GPAM: variants seen among roughly 807,000 people sequenced by gnomAD.
The protein encoded by GPAM is glycerol-3-phosphate acyltransferase, mitochondrial.
A neutral mutation model predicts 105.0 loss-of-function variants in GPAM; 56 were observed. That is an observed-to-expected ratio of 0.53 (90% confidence interval 0.43 to 0.67). The LOEUF is 0.67. GPAM is among the 30% of genes least tolerant of loss of function. The pLI is 0.00. For missense variants in GPAM, 855 were observed against 989.8 expected, an observed-to-expected ratio of 0.86 and a Z score of 1.83; for synonymous variants, 368 against 354.4, an observed-to-expected ratio of 1.04 and a Z score of -0.43.
intron 1 of GPAM, among the ~76,000 whole-genome samples, chr10:112,192,556 T>C (rs1847673827): frequency 6.6e-6 from 1 of 151,902 alleles, no homozygotes; most frequent in South Asian, 2.1e-4. Flanking sequence ...AGAGCAGACC[T>C]CTCCAAGAAG....
Position 112,160,662 on chromosome 10 carries a change from G to C in GPAM, c.1701C>G (p.Phe567Leu). The C allele has an allele frequency of 6.2e-7, 1 of 1,613,528 alleles. No individual in the cohort carries two copies. Among genetic ancestry groups the C allele is most frequent in the Non-Finnish European group, 8.5e-7 (1 of 1,179,464 alleles). Residue 567 changes from phenylalanine (F) to leucine (L), a missense_variant, in exon 16 of 22, where the codon TTC becomes TTG. Physicochemically the swap from Phe to Leu is conservative, Grantham distance 22 (BLOSUM62 0). Transcript: ENST00000348367. ...ITPSTTVPSV[F>L]ELNFYSNGVL... ...CCCCATTGCTGTAGAAGTTGAGTTC[G>C]AAGACTGATGGGACAGTTGTGCTGG...
At chr10:112,203,672 A>G (rs6585143) in intron 1 of GPAM, among the ~76,000 whole-genome samples, 48,894 of 152,206 alleles carry the variant, frequency 0.32, 13,557 homozygotes, top group African/African-American at 0.75. Context: ...ATGGATTTCT[A>G]GTGAGCACTT....
rs762728149 is a variant in GPAM at position 112,168,879 on chromosome 10, C to T, written c.868G>A (p.Val290Ile). Residue 290 changes from valine to isoleucine, a missense_variant, in exon 10 of 22, where the codon GTT becomes ATT. Coordinates refer to ENST00000348367, the MANE Select transcript of GPAM (RefSeq NM_001244949.2). ...CCATGGAGCAAAGCTCTATAGAGAA[C>T]ATCTTTCCGTCCATCTGGTGTTTCA... ...LDETPDGRKD[V>I]LYRALLHGHI... The T allele has an allele frequency of 3.7e-6, 6 of 1,608,806 alleles. No individual in the cohort carries two copies. The South Asian group carries it at 4.4e-5, about 12-fold the overall frequency.
chr10:112,164,011 T>C (rs1253190424), intron 13 of GPAM, among the ~76,000 whole-genome samples, 195 bp from the exon 14 acceptor site: 1 of 152,200 alleles, frequency 6.6e-6, no homozygotes, highest in Non-Finnish European at 1.5e-5. Context: ...GTTATTTAGT[T>C]ATGACTAAAT....
the GPAM span, among the ~76,000 whole-genome samples, chr10:112,225,929 A>G: frequency 6.6e-6 from 1 of 152,192 alleles, no homozygotes; most frequent in Admixed American, 6.5e-5. Context: ...AAGGAATCAC[A>G]AGTAGCCTTG....
intron 19 of GPAM, chr10:112,156,957 G>A (rs903092051): frequency 8.9e-6 from 5 of 562,986 alleles, no homozygotes; most frequent in Admixed American, 3.2e-5. Flanking sequence ...TGCCTCATGA[G>A]GGGTGCAGGT....
At chr10:112,202,997 G>C (rs952683046) in intron 1 of GPAM, among the ~76,000 whole-genome samples, 4 of 152,154 alleles carry the variant, frequency 2.6e-5, no homozygotes, top group Admixed American at 2.6e-4. Flanking sequence ...TGAGAAGGTG[G>C]GAGAACAATG....
rs775676030 is a variant in GPAM, at chr10:112,160,820, C to T, written c.1543G>A (p.Glu515Lys). Residue 515 changes from glutamate to lysine, a missense_variant, in exon 16 of 22, where the codon GAA becomes AAA. Physicochemically the swap from Glu to Lys is moderately conservative, Grantham distance 56 (BLOSUM62 1). Coordinates refer to ENST00000348367, the MANE Select transcript of GPAM (RefSeq NM_001244949.2). ...LVEDFFVMKE[E>K]VLARDFDLGF... ...AGGTCAAAATCACGAGCCAGGACTTCCTCTTTCATCACAAAGAAGTCTTCG... is the reference window on the plus strand; with the variant it reads ...AGGTCAAAATCACGAGCCAGGACTTTCTCTTTCATCACAAAGAAGTCTTCG... 5.0e-6 allele frequency: 8 copies of T among 1,613,760 alleles called. No homozygotes were observed. The highest frequency in any genetic ancestry group is 1.7e-5 in the Admixed American group (1 of 60,032).
Position 112,153,312 on chromosome 10 carries a change from T to A in GPAM, c.*238A>T, listed in dbSNP as rs984994718. ...GAGATTTCATCTTGTAGTCTACGGA[T>A]TATGAGTTGCGAATAGAGGCTGAGG... On this transcript the variant is annotated 3_prime_UTR_variant, in exon 22 of 22. Transcript: ENST00000348367. The A allele has an allele frequency of 2.5e-5, 35 of 1,387,476 alleles. No individual in the cohort carries two copies. Among genetic ancestry groups the A allele is most frequent in the Non-Finnish European group, 2.8e-5 (30 of 1,070,036 alleles). 85.9% of individuals were successfully genotyped at this position (1,387,476 alleles called of 1,614,324 possible). A position where few individuals can be genotyped will look rare whatever the true frequency, so the allele number is the denominator to read the frequency against.
Position 112,172,337 on chromosome 10 carries a change from C to T in GPAM, c.658-19G>A, listed in dbSNP as rs1589591115. On this transcript the variant is annotated intron_variant, in intron 8 of 21. Coordinates refer to ENST00000348367, the MANE Select transcript of GPAM (RefSeq NM_001244949.2). ...AATTCGTCTAGCAAAGGGAAAAATG[C>T]CAAATTTAAAACTCAAATGTAAAAT... 1 of 1,608,810 alleles carries T rather than the reference C, an allele frequency of 6.2e-7. No individual in the cohort carries two copies. The highest frequency in any genetic ancestry group is 8.5e-7 in the Non-Finnish European group (1 of 1,175,472).
At chr10:112,198,202 T>C (rs1847748422) in intron 1 of GPAM, among the ~76,000 whole-genome samples, 1 of 152,186 alleles carries the variant, frequency 6.6e-6, no homozygotes, top group Non-Finnish European at 1.5e-5. Context: ...TTGCAGTTCC[T>C]AGGAAAATGT....
chr10:112,178,058 C>G lies in GPAM; in HGVS notation c.226-1G>C. ...GGATACTGGGGTTGAAAAATTTGTC[C>G]TATATAAAACAAAGTAAATGTAGAC... On this transcript the variant is annotated splice_acceptor_variant, in intron 4 of 21. Transcript: ENST00000348367. LOFTEE classifies it high-confidence loss of function. The G allele has an allele frequency of 3.3e-6, 5 of 1,537,860 alleles. No homozygotes were observed. Among genetic ancestry groups the G allele is most frequent in the Non-Finnish European group, 4.5e-6 (5 of 1,111,058 alleles).
At chr10:112,201,742 T>G (rs1211511149) in intron 1 of GPAM, among the ~76,000 whole-genome samples, 1 of 152,246 alleles carries the variant, frequency 6.6e-6, no homozygotes, top group African/African-American at 2.4e-5. Flanking sequence ...TGTTGATTTT[T>G]TTTTCTTGAC....
chr10:112,214,710 A>G (rs1190145584), intron 1 of GPAM, among the ~76,000 whole-genome samples: 2 of 152,240 alleles, frequency 1.3e-5, no homozygotes, highest in Non-Finnish European at 2.9e-5. Context: ...GATTGGTACC[A>G]GGATTTGTAC....
chr10:112,177,280 T>C (rs925460372), intron 5 of GPAM, among the ~76,000 whole-genome samples: 7 of 152,226 alleles, frequency 4.6e-5, no homozygotes, highest in African/African-American at 1.7e-4. Flanking sequence ...TTTCTTGCAC[T>C]AATTTTCATA....
upstream of GPAM, among the ~76,000 whole-genome samples, chr10:112,216,664 C>G (rs1405775592): frequency 6.6e-6 from 1 of 151,332 alleles, no homozygotes; most frequent in East Asian, 1.9e-4. Context: ...CACTCTGTCC[C>G]CCAGGCTGGA....
At chr10:112,175,505 C>T in intron 6 of GPAM, 95 bp downstream of exon 6, 1 of 773,502 alleles carries the variant, frequency 1.3e-6, no homozygotes. Context: ...GACACAGTCC[C>T]AGAGAAACTA....
chr10:112,172,142 T>A (rs1307331953), intron 9 of GPAM, 40 bp downstream of exon 9: 2 of 1,451,616 alleles, frequency 1.4e-6, no homozygotes, highest in Middle Eastern at 1.7e-4. Flanking sequence ...CAAAACATAA[T>A]CTTTTTAATT....
At chr10:112,170,258 G>T (rs990131989) in intron 9 of GPAM, among the ~76,000 whole-genome samples, 13 of 152,122 alleles carry the variant, frequency 8.5e-5, no homozygotes, top group Non-Finnish European at 1.6e-4. Flanking sequence ...CACTCTTTGA[G>T]AGTAAAACTC....
Sources: gnomAD v4.1 joint callset for allele counts (sites outside exome capture counted in the v4.1 genomes callset) on GRCh38, gnomAD v4.1.1 for gene constraint, MANE v1.5 for transcripts, NCBI Gene and HGNC (gene_info 2026-07-23, HGNC 2026-07-21) for gene names.